The following DCDC2 variants were observed in gnomAD, a reference collection of about 807,000 sequenced individuals.
DCDC2 encodes the protein doublecortin domain containing 2.
In DCDC2, 40 loss-of-function variants were observed where a neutral mutation model predicts 50.2. The ratio of observed to expected loss-of-function variants is 0.80; its 90% confidence interval spans 0.62 to 1.04. The LOEUF (loss-of-function observed/expected upper bound fraction) is 1.04, where lower values mean the gene tolerates loss of function less well. Among genes scored for constraint, DCDC2 ranks in the 50% least tolerant of loss-of-function variants. The pLI is 0.00. For missense variants in DCDC2, 570 were observed against 581.9 expected (o/e 0.98, Z 0.21); for synonymous variants, 234 against 210.6 (o/e 1.11, Z -0.96).
intron 7 of DCDC2, among the ~76,000 whole-genome samples, chr6:24,230,289 G>A (rs1357742361): frequency 6.6e-6 from 1 of 152,118 alleles, no homozygotes; most frequent in African/African-American, 2.4e-5. Context: ...GTGCCATGAA[G>A]TGCTAGAAAG....
chr6:24,295,133 T>C (rs1461206506), intron 4 of DCDC2, among the ~76,000 whole-genome samples: 5 of 152,144 alleles, frequency 3.3e-5, no homozygotes, highest in Admixed American at 1.3e-4. Context: ...CATGATCAAA[T>C]AGGCTTTATC....
chr6:24,359,359 ATAT>A (rs371541615), upstream of DCDC2, among the ~76,000 whole-genome samples: 4,417 of 42,384 alleles, frequency 0.1, 209 homozygotes, highest in African/African-American at 0.17. Context: ...TATTTTATGT[ATAT>A]TATATATTAT....
chr6:24,248,371 C>A (rs1417215000), intron 7 of DCDC2, among the ~76,000 whole-genome samples: 2 of 152,152 alleles, frequency 1.3e-5, no homozygotes, highest in Non-Finnish European at 2.9e-5. Flanking sequence ...TCTTCAAGCC[C>A]CGATTCCTTG....
chr6:24,185,363 T>G (rs1349555230), intron 8 of DCDC2, among the ~76,000 whole-genome samples: 1 of 152,202 alleles, frequency 6.6e-6, no homozygotes, highest in African/African-American at 2.4e-5. Context: ...ATCTGGTTAG[T>G]TCAACTTTAA....
Position 24,328,506 on chromosome 6 carries a change from T to G in DCDC2, c.348+25063A>C, listed in dbSNP as rs372417891. ...GAATCCCTGCTTTTGGGACTTGTTATAGCCAGAGCCCCCTTCTGCCAAGTT... is the reference window on the plus strand; with the variant it reads ...GAATCCCTGCTTTTGGGACTTGTTAGAGCCAGAGCCCCCTTCTGCCAAGTT... On this transcript the variant is annotated intron_variant, in intron 2 of 9. Transcript: ENST00000378454. Among the ~76,000 whole-genome samples, 78 of 152,322 alleles carry G rather than the reference T, an allele frequency of 5.1e-4. 1 individual carries two copies. The highest frequency in any genetic ancestry group is 3.4e-3 in the Middle Eastern group (1 of 294).
Position 24,264,580 on chromosome 6 carries a change from G to C in DCDC2, c.922+13469C>G, listed in dbSNP as rs138417448. On this transcript the variant is annotated intron_variant, in intron 7 of 9. Transcript: ENST00000378454. ...TTAAAATAATCGGTTTTATAAGATA[G>C]TATTTGCAAGCCTCATGGTAACCTC... Among the ~76,000 whole-genome samples the C allele has an allele frequency of 2.2e-3, 336 of 151,988 alleles. 1 individual carries two copies. The highest frequency in any genetic ancestry group is 6.1e-3 in the African/African-American group (253 of 41,482).
At chr6:24,308,578 C>T (rs1759515766) in intron 2 of DCDC2, among the ~76,000 whole-genome samples, 1 of 151,930 alleles carries the variant, frequency 6.6e-6, no homozygotes, top group African/African-American at 2.4e-5. Context: ...AACATGACGA[C>T]CCGTTATCAA....
chr6:24,198,541 C>T (rs926636760), intron 8 of DCDC2, among the ~76,000 whole-genome samples: 1 of 152,164 alleles, frequency 6.6e-6, no homozygotes, highest in Non-Finnish European at 1.5e-5. Context: ...GTGCCTACAC[C>T]ACCAAGGCCC....
intron 2 of DCDC2, among the ~76,000 whole-genome samples, chr6:24,317,529 G>C (rs1050777055): frequency 6.6e-6 from 1 of 151,958 alleles, no homozygotes; most frequent in Non-Finnish European, 1.5e-5. Context: ...AGTACAAAAT[G>C]AAATCATACA....
upstream of DCDC2, among the ~76,000 whole-genome samples, chr6:24,360,609 C>T (rs1429220548): frequency 6.6e-6 from 1 of 152,176 alleles, no homozygotes; most frequent in African/African-American, 2.4e-5. Flanking sequence ...CAGTCTGGGA[C>T]ATACATATTG....
rs1445007538 is a variant in DCDC2 at position 24,178,484 on chromosome 6, A to G, written c.1172T>C (p.Ile391Thr). 1 of 1,614,018 alleles carries G rather than the reference A, an allele frequency of 6.2e-7. No individual in the cohort carries two copies. The highest frequency in any genetic ancestry group is 1.1e-5 in the South Asian group (1 of 91,074). Residue 391 changes from isoleucine (I) to threonine (T), a missense_variant, in exon 9 of 10, where the codon ATT becomes ACT. Transcript: ENST00000378454. ...TGCCTGCTGCTCACTGTGATCCAGA[A>G]TCTCCTCGACTTGCTCAGGGGCATC... ...ATDAPEQVEE[I>T]LDHSEQQARP... is the part of the protein sequence containing the mutation.
the DCDC2 span, among the ~76,000 whole-genome samples, chr6:24,381,024 G>A: frequency 6.6e-6 from 1 of 151,384 alleles, no homozygotes; most frequent in Non-Finnish European, 1.5e-5. Flanking sequence ...TGAGGCTTTA[G>A]CGAGCCATGA....
chr6:24,379,876 T>C, the DCDC2 span, among the ~76,000 whole-genome samples: 3 of 152,162 alleles, frequency 2.0e-5, no homozygotes, highest in Non-Finnish European at 4.4e-5. Flanking sequence ...AATGATGAGT[T>C]CATGTCCTTT....
At chr6:24,236,169 C>T (rs1474015185) in intron 7 of DCDC2, among the ~76,000 whole-genome samples, 1 of 152,118 alleles carries the variant, frequency 6.6e-6, no homozygotes, top group African/African-American at 2.4e-5. Flanking sequence ...CTGAAGGTGT[C>T]ATACTACCTG....
chr6:24,340,004 C>T (rs141287023), intron 2 of DCDC2, among the ~76,000 whole-genome samples: 2,215 of 152,232 alleles, frequency 0.015, 26 homozygotes, highest in Admixed American at 0.041. Context: ...AATAGAGTTT[C>T]GGAATAAATA....
chr6:24,319,498 C>A (rs1759733940), intron 2 of DCDC2, among the ~76,000 whole-genome samples: 1 of 151,750 alleles, frequency 6.6e-6, no homozygotes, highest in Non-Finnish European at 1.5e-5. Context: ...TTCTCTGGTC[C>A]TTGATTCAGA....
the DCDC2 span, among the ~76,000 whole-genome samples, chr6:24,381,862 A>AAG: frequency 1.8e-4 from 7 of 38,838 alleles, no homozygotes; most frequent in South Asian, 1.1e-3. Flanking sequence ...AAGGAAGGAG[A>AAG]AATAAAAGAA....
At chr6:24,288,460 A>C (rs894367348) in intron 6 of DCDC2, among the ~76,000 whole-genome samples, 2 of 152,270 alleles carry the variant, frequency 1.3e-5, no homozygotes, top group African/African-American at 4.8e-5. Context: ...AATCTTTTCA[A>C]GGAATATTAA....
chr6:24,274,817 CT>C (rs1293126276), intron 7 of DCDC2, among the ~76,000 whole-genome samples: 4 of 151,746 alleles, frequency 2.6e-5, no homozygotes, highest in East Asian at 1.9e-4. Context: ...TATGAAGTCT[CT>C]TTTTTTCTAA....
Sources: allele counts gnomAD v4.1 joint callset (sites outside exome capture counted in the v4.1 genomes callset), GRCh38; gene constraint gnomAD v4.1.1; transcripts MANE v1.5; gene names NCBI Gene and HGNC (gene_info 2026-07-23, HGNC 2026-07-21).